PCDHGA3: variants seen among roughly 807,000 people sequenced by gnomAD.
The protein encoded by PCDHGA3 is protocadherin gamma subfamily A, 3.
Under a neutral mutation model 58.5 loss-of-function variants are expected in PCDHGA3, and 40 were observed. The ratio of observed to expected loss-of-function variants is 0.68; its 90% CI spans 0.53 to 0.89. The LOEUF (loss-of-function observed/expected upper bound fraction) is 0.89, where lower values mean the gene tolerates loss of function less well. Ranked by LOEUF, PCDHGA3 falls within the 40% of genes least tolerant of loss-of-function variation. The pLI is 0.00. For missense variants in PCDHGA3, 1,223 were observed against 1,195.9 expected (o/e 1.02, Z -0.33); for synonymous variants, 530 against 525.7 (o/e 1.01, Z -0.11).
chr5:141,453,302 T>C (rs189741118), intron 1 of PCDHGA3, among the ~76,000 whole-genome samples: 18 of 152,008 alleles, frequency 1.2e-4, no homozygotes, highest in Middle Eastern at 6.8e-3. Flanking sequence ...TTTATTTATT[T>C]ATTTATTTAT....
chr5:141,357,361 A>G, intron 1 of PCDHGA3: 1 of 1,614,126 alleles, frequency 6.2e-7, no homozygotes, highest in Non-Finnish European at 8.5e-7. Flanking sequence ...ACGCTGGCAC[A>G]AGTCACGCCT....
chr5:141,414,867 C>T (rs2095797355), intron 1 of PCDHGA3: 9 of 1,614,230 alleles, frequency 5.6e-6, no homozygotes, highest in South Asian at 1.1e-5. Flanking sequence ...ACAATGCGCC[C>T]GAGATCCTGT....
chr5:141,415,076 G>A (rs772523894), intron 1 of PCDHGA3: 3 of 1,613,462 alleles, frequency 1.9e-6, no homozygotes, highest in South Asian at 1.1e-5. Context: ...CGCACGGCGC[G>A]AGCCCTGCTG....
chr5:141,415,167 C>T (rs769256903), intron 1 of PCDHGA3: 3 of 1,613,894 alleles, frequency 1.9e-6, no homozygotes, highest in Admixed American at 3.3e-5. Flanking sequence ...CTGTCACGCT[C>T]ACCGTGGCCG....
intron 1 of PCDHGA3, among the ~76,000 whole-genome samples, chr5:141,456,625 C>T (rs544550965): frequency 4.6e-5 from 7 of 152,288 alleles, no homozygotes; most frequent in African/African-American, 1.4e-4. Flanking sequence ...AGATTTGCCT[C>T]TTCTTTACTA....
chr5:141,483,009 C>T (rs538900128), intron 1 of PCDHGA3, among the ~76,000 whole-genome samples: 4 of 151,942 alleles, frequency 2.6e-5, no homozygotes, highest in Non-Finnish European at 5.9e-5. Flanking sequence ...TGCTTGAACC[C>T]GGGAGGCAGA....
intron 1 of PCDHGA3, chr5:141,422,211 C>G: frequency 6.4e-7 from 1 of 1,563,286 alleles, no homozygotes; most frequent in Non-Finnish European, 8.6e-7. Context: ...GTGGAGGTCT[C>G]TTTACCACCA....
At chr5:141,417,532 T>TA (rs1457524771) in intron 1 of PCDHGA3, 17 of 284,868 alleles carry the variant, frequency 6.0e-5, no homozygotes, top group Non-Finnish European at 8.4e-5. Context: ...ACTCGTAGTT[T>TA]AAAAAAAATT....
rs774682943 is a variant in PCDHGA3 at position 141,493,841 on chromosome 5, T to G, written c.2425-966T>G. Among the ~76,000 whole-genome samples the G allele has an allele frequency of 3.3e-5, 5 of 152,024 alleles. No homozygotes were observed. Among genetic ancestry groups the G allele is most frequent in the Non-Finnish European group, 7.4e-5 (5 of 68,010 alleles). On this transcript the variant is annotated intron_variant, in intron 1 of 3. Transcript: ENST00000253812. This position sits in a 1 kb window ranked among gnomAD's most constrained non-coding sequence, Gnocchi z 4.3. The stretch of plus-strand genomic sequence containing the variant: ...CTCTGCTTCTGGGAGCAAGTATGAG[T>G]ATTAATTACCAGCCCACCCCAGAAC...
At chr5:141,466,034 A>T (rs189202430) in intron 1 of PCDHGA3, among the ~76,000 whole-genome samples, 1,557 of 152,178 alleles carry the variant, frequency 0.01, 35 homozygotes, top group African/African-American at 0.035. Flanking sequence ...AGGCAGGAGA[A>T]CGGCATGAAC....
chr5:141,475,248 C>T (rs1400887912), intron 1 of PCDHGA3, among the ~76,000 whole-genome samples: 2 of 152,166 alleles, frequency 1.3e-5, no homozygotes, highest in African/African-American at 4.8e-5. Context: ...AGAGTGTGCT[C>T]TACAACTGAG....
chr5:141,496,160 G>C (rs1428576442), intron 2 of PCDHGA3, among the ~76,000 whole-genome samples: 2 of 151,600 alleles, frequency 1.3e-5, no homozygotes, highest in Admixed American at 6.6e-5. Flanking sequence ...CTCTCCACCA[G>C]ACACCCTCCC....
In PCDHGA3 at chr5:141,428,010, G is replaced by C. The variant is rs544491298; in HGVS notation, c.2425-66797G>C. The C allele has an allele frequency of 1.2e-4, 192 of 1,603,004 alleles. 6 individuals are homozygous for C. In the South Asian group the frequency reaches 2.0e-3, roughly 17 times the overall value. ...CGATGGCTCCGCACTCTTCGATATA[G>C]TGCCACGCGCCGCAGAGTCCGGCTA... On this transcript the variant is annotated intron_variant, in intron 1 of 3. Transcript: ENST00000253812.
chr5:141,435,904 C>G (rs967350870), intron 1 of PCDHGA3, among the ~76,000 whole-genome samples: 2 of 152,068 alleles, frequency 1.3e-5, no homozygotes, highest in Admixed American at 6.5e-5. Context: ...TGAAAGACAT[C>G]CAAGGGCTCT....
intron 1 of PCDHGA3, chr5:141,385,358 T>C (rs1470867728): frequency 6.5e-7 from 1 of 1,546,418 alleles, no homozygotes; most frequent in Non-Finnish European, 8.7e-7. Flanking sequence ...CCATGAGGAA[T>C]TTATTTGCAT....
In PCDHGA3 at chr5:141,375,349, GAC is replaced by G; in HGVS notation, c.2424+28894_2424+28895del. On this transcript the variant is annotated intron_variant, in intron 1 of 3. Transcript: ENST00000253812. ...AGGTATTCTTGTACAACATCACTGT[GAC>G]AGCCACGGACAAAGGAACACCACCT... 5 of 1,613,848 alleles carry G rather than the reference GAC, an allele frequency of 3.1e-6. No individual in the cohort carries two copies. In the South Asian group the frequency reaches 4.4e-5, roughly 14 times the overall value.
chr5:141,350,246 C>T lies in PCDHGA3; in HGVS notation c.2424+3789C>T, dbSNP rs146299808. On this transcript the variant is annotated intron_variant, in intron 1 of 3. Transcript: ENST00000253812. ...AACATCCCAGAGGAAAGAAGCTCCGCGGAGAGTTCCTGAAATGCAGAGAGC... is the reference window on the plus strand; with the variant it reads ...AACATCCCAGAGGAAAGAAGCTCCGTGGAGAGTTCCTGAAATGCAGAGAGC... 2.7e-6 allele frequency: 4 copies of T among 1,505,942 alleles called. No homozygotes were observed. The South Asian group carries it at 4.2e-5, about 16-fold the overall frequency. The allele number at this position is 1,505,942 out of a possible 1,614,324, so 93.3% of individuals were successfully genotyped here.
At chr5:141,347,064 T>A (rs1437707475) in intron 1 of PCDHGA3, among the ~76,000 whole-genome samples, 1 of 150,504 alleles carries the variant, frequency 6.6e-6, no homozygotes, top group Non-Finnish European at 1.5e-5. Flanking sequence ...CCTTCCTTCC[T>A]TCCTTCCTCT....
intron 2 of PCDHGA3, among the ~76,000 whole-genome samples, chr5:141,502,056 C>T (rs1163976282): frequency 1.3e-5 from 2 of 152,116 alleles, no homozygotes; most frequent in Non-Finnish European, 2.9e-5. Flanking sequence ...CTACTTTATT[C>T]CCATTAGCCC....
Sources: gnomAD v4.1 joint callset for allele counts (sites outside exome capture counted in the v4.1 genomes callset) on GRCh38, gnomAD v4.1.1 for gene constraint, Gnocchi (gnomAD v3.1) non-coding constraint, MANE v1.5 for transcripts, NCBI Gene and HGNC (gene_info 2026-07-23, HGNC 2026-07-21) for gene names.